The following SPATA9 variants were observed in gnomAD, a reference collection of about 807,000 sequenced individuals.
SPATA9 encodes the protein spermatogenesis associated 9.
In SPATA9, 27 loss-of-function variants were observed where a neutral mutation model predicts 25.5. The observed-to-expected ratio is 1.06, with a 90% confidence interval of 0.78 to 1.46. The LOEUF (loss-of-function observed/expected upper bound fraction) is 1.46, where lower values mean the gene tolerates loss of function less well. Among genes scored for constraint, SPATA9 ranks in the 40% most tolerant of loss-of-function variants. The pLI, the probability that SPATA9 is intolerant of heterozygous loss-of-function variation, is 0.00. For missense variants in SPATA9, 282 were observed against 297.5 expected, an observed-to-expected ratio of 0.95 and a Z score of 0.38; for synonymous variants, 102 against 105.7, an observed-to-expected ratio of 0.97 and a Z score of 0.21.
At chr5:95,673,835 C>T (rs1752649911) in intron 3 of SPATA9, among the ~76,000 whole-genome samples, 1 of 151,578 alleles carries the variant, frequency 6.6e-6, no homozygotes, top group Non-Finnish European at 1.5e-5. Context: ...ACCTCTGCCT[C>T]CCAGTTCAAG....
chr5:95,688,501 C>T (rs1561418611), intron 1 of SPATA9, among the ~76,000 whole-genome samples: 1 of 152,288 alleles, frequency 6.6e-6, no homozygotes, highest in East Asian at 1.9e-4. Flanking sequence ...GTCCTCCCAC[C>T]TTGGTCTCCT....
rs1200612371 is a variant in SPATA9, at chr5:95,675,471, T to C, written c.319A>G (p.Ile107Val). 4.3e-6 allele frequency: 7 copies of C among 1,614,042 alleles called. No homozygotes were observed. The highest frequency in any genetic ancestry group is 5.9e-6 in the Non-Finnish European group (7 of 1,180,028). ...ACTTCCCTCAGCAGACGACCAGATATGTCCCTTAGCTCTAAAAGTCTGCAT... is the reference window on the plus strand; with the variant it reads ...ACTTCCCTCAGCAGACGACCAGATACGTCCCTTAGCTCTAAAAGTCTGCAT... The part of the protein sequence containing the change: ...LACRLLELRD[I>V]SGRLLREVNA... Residue 107 changes from isoleucine (I) to valine (V), a missense_variant, in exon 3 of 5, where the codon ATA becomes GTA. Transcript: ENST00000274432.
chr5:95,707,879 G>C, the SPATA9 span, among the ~76,000 whole-genome samples: 1 of 152,156 alleles, frequency 6.6e-6, no homozygotes, highest in Non-Finnish European at 1.5e-5. Context: ...ACCAGGTTGG[G>C]CATTACATTC....
chr5:95,731,734 G>A, the SPATA9 span: 1 of 1,612,136 alleles, frequency 6.2e-7, no homozygotes, highest in South Asian at 1.1e-5. Context: ...CGCGTGCCGT[G>A]CGCCCCAGGG....
intron 3 of SPATA9, among the ~76,000 whole-genome samples, chr5:95,665,478 A>G (rs1011033957): frequency 3.9e-5 from 6 of 152,182 alleles, no homozygotes; most frequent in Non-Finnish European, 8.8e-5. Context: ...ATCATGTGGT[A>G]CTTGTCTTTC....
intron 1 of SPATA9, among the ~76,000 whole-genome samples, chr5:95,694,472 A>C (rs1753964859): frequency 6.6e-6 from 1 of 152,232 alleles, no homozygotes; most frequent in African/African-American, 2.4e-5. Context: ...AAAGAAAAGT[A>C]TCATGTTCAT....
At chr5:95,728,199 T>A in the SPATA9 span, among the ~76,000 whole-genome samples, 1 of 152,218 alleles carries the variant, frequency 6.6e-6, no homozygotes, top group East Asian at 1.9e-4. Flanking sequence ...ACTCAATTTG[T>A]AGCTTAAGTA....
chr5:95,718,035 G>A, the SPATA9 span, among the ~76,000 whole-genome samples: 1 of 152,174 alleles, frequency 6.6e-6, no homozygotes, highest in East Asian at 1.9e-4. Flanking sequence ...AATTTTCCAG[G>A]TGAGCAATTT....
At chr5:95,683,214 G>A (rs936763481), upstream of SPATA9, among the ~76,000 whole-genome samples, 1 of 151,850 alleles carries the variant, frequency 6.6e-6, no homozygotes, top group East Asian at 1.9e-4. Context: ...AGAACAAAAG[G>A]TCCCTTTGAA....
At chr5:95,656,244 C>G (rs747842330), downstream of SPATA9, 1 of 1,613,284 alleles carries the variant, frequency 6.2e-7, no homozygotes, top group Non-Finnish European at 8.5e-7. Flanking sequence ...TTCTAATGAA[C>G]CTTTTAAGTG....
chr5:95,674,748 T>G, intron 3 of SPATA9: 1 of 456,706 alleles, frequency 2.2e-6, no homozygotes, highest in Non-Finnish European at 4.4e-6. Context: ...TAATACATCT[T>G]CTTTTTTGGT....
At chr5:95,685,613 G>C (rs1208059776), upstream of SPATA9, among the ~76,000 whole-genome samples, 3 of 152,140 alleles carry the variant, frequency 2.0e-5, no homozygotes, top group Non-Finnish European at 4.4e-5. Flanking sequence ...AAACGTCAAA[G>C]TAATTTTAAA....
chr5:95,713,378 C>G, the SPATA9 span: 1 of 151,924 alleles, frequency 6.6e-6, no homozygotes, highest in African/African-American at 2.4e-5. Flanking sequence ...TGGATCATGG[C>G]GGTGGATTTC....
the SPATA9 span, among the ~76,000 whole-genome samples, chr5:95,710,695 C>T: frequency 6.6e-6 from 1 of 152,144 alleles, no homozygotes; most frequent in African/African-American, 2.4e-5. Flanking sequence ...TTTCAGGTTT[C>T]GAAAAGCCTG....
upstream of SPATA9, chr5:95,701,456 A>G (rs952556174): frequency 6.6e-6 from 1 of 151,876 alleles, no homozygotes; most frequent in African/African-American, 2.4e-5. Context: ...TTTTTATCAT[A>G]TTGTTTTAAT....
At chr5:95,705,142 A>AT in the SPATA9 span, among the ~76,000 whole-genome samples, 1 of 151,492 alleles carries the variant, frequency 6.6e-6, no homozygotes, top group Non-Finnish European at 1.5e-5. Flanking sequence ...TATTTTTCGT[A>AT]TTTTTTGTAG....
the SPATA9 span, chr5:95,731,405 G>A: frequency 8.4e-7 from 1 of 1,184,712 alleles, no homozygotes; most frequent in African/African-American, 1.6e-5. Context: ...GCGTCCACTT[G>A]GGGCTGTGCG....
chr5:95,677,090 A>T (rs1753006925), intron 2 of SPATA9, among the ~76,000 whole-genome samples: 1 of 152,146 alleles, frequency 6.6e-6, no homozygotes, highest in Admixed American at 6.5e-5. Context: ...CTTCTTGGTC[A>T]CTCTACCAAA....
At chr5:95,716,779 G>A in the SPATA9 span, among the ~76,000 whole-genome samples, 6 of 152,260 alleles carry the variant, frequency 3.9e-5, no homozygotes, top group East Asian at 1.9e-4. Context: ...TAATCCCCAC[G>A]TGTCATGAGA....
Sources: gnomAD v4.1 joint callset for allele counts (sites outside exome capture counted in the v4.1 genomes callset) on GRCh38, gnomAD v4.1.1 for gene constraint, MANE v1.5 for transcripts, NCBI Gene and HGNC (gene_info 2026-07-23, HGNC 2026-07-21) for gene names.